Variants in NYAP2 observed in about 807,000 individuals in gnomAD.
NYAP2 encodes the protein neuronal tyrosine-phosphorylated phosphoinositide-3-kinase adapter 2.
A neutral mutation model predicts 50.4 loss-of-function variants in NYAP2; 23 were observed. The ratio of observed to expected loss-of-function variants is 0.46; its 90% CI spans 0.33 to 0.65. The LOEUF is 0.65. Ranked by LOEUF, NYAP2 falls within the 30% of genes least tolerant of loss-of-function variation. NYAP2 has a pLI of 0.02. For missense variants in NYAP2, 885 were observed against 861.0 expected, an observed-to-expected ratio of 1.03 and a Z score of -0.35; for synonymous variants, 394 against 365.2, an observed-to-expected ratio of 1.08 and a Z score of -0.90.
chr2:225,543,762 T>C (rs1185373071), intron 4 of NYAP2, among the ~76,000 whole-genome samples: 1 of 152,092 alleles, frequency 6.6e-6, no homozygotes, highest in East Asian at 1.9e-4. Flanking sequence ...GTTCTATAAA[T>C]ATCTATGAGG....
chr2:225,594,467 G>C (rs1414166291), intron 5 of NYAP2, among the ~76,000 whole-genome samples: 1 of 152,050 alleles, frequency 6.6e-6, no homozygotes, highest in Non-Finnish European at 1.5e-5. Context: ...AGGTCACAGT[G>C]AGCCGAGATC....
chr2:225,468,620 A>G (rs1329504875), intron 3 of NYAP2, among the ~76,000 whole-genome samples: 1 of 152,220 alleles, frequency 6.6e-6, no homozygotes, highest in African/African-American at 2.4e-5. Context: ...CTTAGACAAT[A>G]GAAAATCATT....
In NYAP2 at chr2:225,576,933, G is replaced by C. The variant is rs560213542; in HGVS notation, c.524-5008G>C. ...TGTGGCCACAGTCTTTCTAGGAAGG[G>C]ACAAGGCTAACCTCTGTTGTATCTC... On this transcript the variant is annotated intron_variant, in intron 4 of 6. Coordinates refer to ENST00000636099, the Ensembl canonical transcript of NYAP2. 9.2e-5 allele frequency among the ~76,000 whole-genome samples: 14 copies of C among 152,274 alleles called. No homozygotes were observed. In the South Asian group the frequency reaches 2.7e-3, roughly 29 times the overall value.
intron 6 of NYAP2, among the ~76,000 whole-genome samples, chr2:225,647,449 C>A (rs142935693): frequency 6.6e-6 from 1 of 152,112 alleles, no homozygotes; most frequent in East Asian, 1.9e-4. Flanking sequence ...GGTGGGCAGA[C>A]GTTAAACACC....
chr2:225,408,760 G>A (rs1186919048), intron 2 of NYAP2, 104 bp from the exon 3 acceptor site: 7 of 615,646 alleles, frequency 1.1e-5, no homozygotes, highest in Admixed American at 8.8e-5. Context: ...TCTCCAATCG[G>A]ATTTGGCCAT....
chr2:225,653,600 TCTC>T, exon 7 of NYAP2: 1 of 152,344 alleles, frequency 6.6e-6, no homozygotes. Flanking sequence ...CCTCTAGGCT[TCTC>T]CTCTGTGGCT....
chr2:225,669,209 GTTAA>G, the NYAP2 span, among the ~76,000 whole-genome samples: 1 of 152,070 alleles, frequency 6.6e-6, no homozygotes, highest in South Asian at 2.1e-4. Flanking sequence ...CAGAGCAGAT[GTTAA>G]TTATTACTAT....
chr2:225,510,381 GAT>G (rs1651906962), intron 3 of NYAP2, among the ~76,000 whole-genome samples: 1 of 152,066 alleles, frequency 6.6e-6, no homozygotes, highest in Non-Finnish European at 1.5e-5. Flanking sequence ...GAAACATCTG[GAT>G]ATAGTTTTAA....
intron 3 of NYAP2, among the ~76,000 whole-genome samples, chr2:225,444,703 C>T (rs764483030): frequency 6.6e-6 from 1 of 152,184 alleles, no homozygotes; most frequent in Non-Finnish European, 1.5e-5. Context: ...CTGAAGTCAT[C>T]ATTGGCCAGT....
chr2:225,657,831 A>C (rs1693852645), downstream of NYAP2, among the ~76,000 whole-genome samples: 1 of 152,140 alleles, frequency 6.6e-6, no homozygotes, highest in African/African-American at 2.4e-5. Context: ...TTTGAGACTA[A>C]GGTTTTACAG....
At chr2:225,506,330 G>T (rs1447076346) in intron 3 of NYAP2, among the ~76,000 whole-genome samples, 3 of 152,164 alleles carry the variant, frequency 2.0e-5, no homozygotes, top group African/African-American at 7.2e-5. Context: ...AGGCCAATGG[G>T]GCTGGGGAGA....
rs1371295437 is a variant in NYAP2, at chr2:225,593,561, C to T, written c.1618+10526C>T. Among the ~76,000 whole-genome samples, 4 of 152,286 alleles carry T rather than the reference C, an allele frequency of 2.6e-5. No individual in the cohort carries two copies. The East Asian group carries it at 7.7e-4, about 29-fold the overall frequency. On this transcript the variant is annotated intron_variant, in intron 5 of 6. Coordinates refer to ENST00000636099, the Ensembl canonical transcript of NYAP2. ...GTTTTTCTTATGCTATTGTCTTTGA[C>T]TACTTTTTTTCAAATTTTTGAATGA...
At chr2:225,665,736 G>A in the NYAP2 span, among the ~76,000 whole-genome samples, 6 of 144,950 alleles carry the variant, frequency 4.1e-5, no homozygotes, top group South Asian at 4.5e-4. Context: ...TTGAACCTGG[G>A]AGGCAGAGGT....
At chr2:225,416,484 T>A (rs1310781068) in intron 3 of NYAP2, among the ~76,000 whole-genome samples, 1 of 152,144 alleles carries the variant, frequency 6.6e-6, no homozygotes, top group Non-Finnish European at 1.5e-5. Flanking sequence ...TGTTTTCAGT[T>A]AGAGCCATCA....
chr2:225,431,264 T>G (rs1695361681), intron 3 of NYAP2, among the ~76,000 whole-genome samples: 1 of 152,252 alleles, frequency 6.6e-6, no homozygotes, highest in South Asian at 2.1e-4. Flanking sequence ...TTACGTGATC[T>G]CCATATGCTG....
chr2:225,410,706 T>A (rs1225404107), intron 3 of NYAP2, among the ~76,000 whole-genome samples: 3 of 152,096 alleles, frequency 2.0e-5, no homozygotes, highest in Admixed American at 1.3e-4. Flanking sequence ...ACTACTAGCT[T>A]CTGTATTTCA....
At chr2:225,544,670 A>C (rs902457662) in intron 4 of NYAP2, among the ~76,000 whole-genome samples, 3 of 151,988 alleles carry the variant, frequency 2.0e-5, no homozygotes, top group East Asian at 3.9e-4. Flanking sequence ...ATTATTTTTG[A>C]TGGGTTCATT....
chr2:225,677,673 A>G, the NYAP2 span, among the ~76,000 whole-genome samples: 1 of 151,820 alleles, frequency 6.6e-6, no homozygotes, highest in Admixed American at 6.6e-5. Context: ...TGAGATGAGC[A>G]TATGGTTTTT....
At chr2:225,442,107 G>A (rs1247810059) in intron 3 of NYAP2, among the ~76,000 whole-genome samples, 1 of 152,192 alleles carries the variant, frequency 6.6e-6, no homozygotes, top group Non-Finnish European at 1.5e-5. Flanking sequence ...ATTTCTCAGA[G>A]AATTTCTCAT....
Sources: allele counts gnomAD v4.1 joint callset (sites outside exome capture counted in the v4.1 genomes callset), GRCh38; gene constraint gnomAD v4.1.1; transcripts MANE v1.5; gene names NCBI Gene and HGNC (gene_info 2026-07-23, HGNC 2026-07-21).